The following AGTPBP1 variants were observed in gnomAD, a reference collection of about 807,000 sequenced individuals.
AGTPBP1 encodes ATP/GTP binding carboxypeptidase 1.
Under a neutral mutation model 143.9 loss-of-function variants are expected in AGTPBP1, and 70 were observed. That is an observed-to-expected ratio of 0.49 (90% confidence interval 0.40 to 0.59). The LOEUF is 0.59. Ranked by LOEUF, AGTPBP1 falls within the 20% of genes least tolerant of loss-of-function variation. AGTPBP1 has a pLI of 0.00. For synonymous variants in AGTPBP1, 463 were observed against 500.2 expected, an observed-to-expected ratio of 0.93 and a Z score of 0.99; for missense variants, 1,229 against 1,464.5, an observed-to-expected ratio of 0.84 and a Z score of 2.62.
At chr9:85,685,981 T>C (rs773837214) in intron 3 of AGTPBP1, among the ~76,000 whole-genome samples, 3 of 151,778 alleles carry the variant, frequency 2.0e-5, no homozygotes, top group Non-Finnish European at 4.4e-5. Flanking sequence ...AAAAAGCCAA[T>C]AGGTAAATTA....
At chr9:85,624,233 T>A (rs1310962127) in intron 14 of AGTPBP1, among the ~76,000 whole-genome samples, 1 of 152,186 alleles carries the variant, frequency 6.6e-6, no homozygotes, top group Non-Finnish European at 1.5e-5. Flanking sequence ...CAAGATCATC[T>A]TCTTTACAGA....
intron 1 of AGTPBP1, among the ~76,000 whole-genome samples, chr9:85,732,475 T>C (rs1196716727): frequency 6.6e-6 from 1 of 152,096 alleles, no homozygotes; most frequent in Non-Finnish European, 1.5e-5. Flanking sequence ...GTTTGGGTTT[T>C]TTTGAAGAAA....
At chr9:85,681,649 A>T (rs183865866) in intron 3 of AGTPBP1, among the ~76,000 whole-genome samples, 2 of 152,112 alleles carry the variant, frequency 1.3e-5, no homozygotes, top group Admixed American at 6.5e-5. Context: ...GAGGAGTCTT[A>T]CCTCATCTTC....
chr9:85,637,567 G>C, intron 13 of AGTPBP1, among the ~76,000 whole-genome samples: 1 of 152,150 alleles, frequency 6.6e-6, no homozygotes, highest in Non-Finnish European at 1.5e-5. Flanking sequence ...AAAAGTAAAT[G>C]CTGTATGATT....
At chr9:85,656,724 C>A (rs952958232) in intron 10 of AGTPBP1, among the ~76,000 whole-genome samples, 1 of 152,092 alleles carries the variant, frequency 6.6e-6, no homozygotes, top group Non-Finnish European at 1.5e-5. Flanking sequence ...CTTAAAATGG[C>A]TGGCAGATAT....
the AGTPBP1 span, among the ~76,000 whole-genome samples, chr9:85,788,351 A>G: frequency 8.0e-5 from 12 of 150,116 alleles, no homozygotes; most frequent in Admixed American, 6.7e-4. Flanking sequence ...AAGGTAAAAC[A>G]TACACATTAT....
chr9:85,771,652 C>CTT, the AGTPBP1 span, among the ~76,000 whole-genome samples: 13 of 136,166 alleles, frequency 9.5e-5, no homozygotes, highest in African/African-American at 1.1e-4. Context: ...ACATAGATAA[C>CTT]TTTTTTTTTT....
the AGTPBP1 span, among the ~76,000 whole-genome samples, chr9:85,757,483 C>T: frequency 6.6e-6 from 1 of 151,570 alleles, no homozygotes. Flanking sequence ...TAACAGAGGA[C>T]AAAAGATTAC....
chr9:85,684,447 A>C (rs568327559), intron 3 of AGTPBP1, among the ~76,000 whole-genome samples: 7 of 151,806 alleles, frequency 4.6e-5, no homozygotes, highest in East Asian at 1.9e-4. Flanking sequence ...CTCTACCAAC[A>C]TATCAGTTGT....
intron 2 of AGTPBP1, among the ~76,000 whole-genome samples, chr9:85,695,364 G>A (rs1478256652): frequency 6.6e-6 from 1 of 152,010 alleles, no homozygotes; most frequent in Non-Finnish European, 1.5e-5. Context: ...AAATAAAACT[G>A]AGCTTTAAAA....
chr9:85,697,819 T>C (rs868075671), intron 2 of AGTPBP1, among the ~76,000 whole-genome samples: 3 of 152,184 alleles, frequency 2.0e-5, no homozygotes, highest in Non-Finnish European at 2.9e-5. Flanking sequence ...TTTTGGAGTA[T>C]CATTAACTTA....
intron 25 of AGTPBP1, among the ~76,000 whole-genome samples, chr9:85,573,424 G>A (rs1332525866): frequency 2.0e-5 from 3 of 152,210 alleles, no homozygotes; most frequent in Non-Finnish European, 4.4e-5. Context: ...TGCCCAGGCT[G>A]GAGTGCAGTG....
In AGTPBP1 at chr9:85,575,339, A is replaced by G. The variant is rs768763494; in HGVS notation, c.3479T>C (p.Ile1160Thr). The G allele has an allele frequency of 6.3e-7, 1 of 1,599,752 alleles. No individual in the cohort carries two copies. The highest frequency in any genetic ancestry group is 8.5e-7 in the Non-Finnish European group (1 of 1,175,946). The change falls in exon 25 of 26, where the codon ATT becomes ACT. Residue 1160 changes from isoleucine (I) to threonine (T), a missense_variant. Ile to Thr is a moderately conservative substitution (Grantham distance 89, BLOSUM62 -1). Coordinates refer to ENST00000357081, the MANE Select transcript of AGTPBP1 (RefSeq NM_001330701.2). ...SSLLDFENDL[I>T]ESSCKVTSPT... Reference sequence around the variant, plus strand: ...CCTAGTTACTTTGCAGCTTGATTCAATTAAATCATTTTCAAAGTCAAGCAG... The same window carrying G: ...CCTAGTTACTTTGCAGCTTGATTCAGTTAAATCATTTTCAAAGTCAAGCAG...
chr9:85,803,390 C>A, the AGTPBP1 span, among the ~76,000 whole-genome samples: 1 of 152,186 alleles, frequency 6.6e-6, no homozygotes, highest in Non-Finnish European at 1.5e-5. Flanking sequence ...TTACCCTATT[C>A]TCCTCCCATT....
chr9:85,733,155 G>A (rs947818516), intron 1 of AGTPBP1, among the ~76,000 whole-genome samples: 4 of 152,066 alleles, frequency 2.6e-5, no homozygotes, highest in Admixed American at 6.5e-5. Context: ...TTTAGAACAA[G>A]GTACTCAACA....
At chr9:85,569,123 C>G (rs1396316964) in intron 25 of AGTPBP1, among the ~76,000 whole-genome samples, 2 of 152,094 alleles carry the variant, frequency 1.3e-5, no homozygotes, top group Non-Finnish European at 2.9e-5. Flanking sequence ...AACACACCAC[C>G]CCTGTTTCCC....
chr9:85,681,799 G>T (rs1260081547), intron 3 of AGTPBP1, among the ~76,000 whole-genome samples: 1 of 140,648 alleles, frequency 7.1e-6, no homozygotes, highest in African/African-American at 2.8e-5. Flanking sequence ...GCCCAGGCTG[G>T]AGTGCAACGG....
At chr9:85,758,091 G>A in the AGTPBP1 span, among the ~76,000 whole-genome samples, 4 of 151,928 alleles carry the variant, frequency 2.6e-5, no homozygotes, top group East Asian at 7.7e-4. Context: ...TTAAATAAGT[G>A]GCCCACATAT....
intron 22 of AGTPBP1, among the ~76,000 whole-genome samples, 181 bp downstream of exon 22, chr9:85,586,650 T>C (rs1828629535): frequency 6.6e-6 from 1 of 152,152 alleles, no homozygotes; most frequent in Admixed American, 6.5e-5. Flanking sequence ...GTTATCAATA[T>C]TCATAACGAA....
Sources: allele counts gnomAD v4.1 joint callset (sites outside exome capture counted in the v4.1 genomes callset), GRCh38; gene constraint gnomAD v4.1.1; transcripts MANE v1.5; gene names NCBI Gene and HGNC (gene_info 2026-07-23, HGNC 2026-07-21).